Variants in ZNF780B observed in about 807,000 individuals in gnomAD.
ZNF780B encodes the protein zinc finger protein 780B, also known as zinc finger protein 779.
ZNF780B carries 52 observed loss-of-function variants against 74.1 expected under a neutral mutation model. The ratio of observed to expected loss-of-function variants is 0.70; its 90% CI spans 0.56 to 0.88. ZNF780B has a LOEUF of 0.88. ZNF780B is among the 40% of genes least tolerant of loss of function. ZNF780B has a pLI of 0.00. For missense variants in ZNF780B, 953 were observed against 1,007.6 expected, an observed-to-expected ratio of 0.95 and a Z score of 0.73; for synonymous variants, 315 against 324.3, an observed-to-expected ratio of 0.97 and a Z score of 0.31.
At chr19:40,053,762 C>A (rs1433276959) in intron 1 of ZNF780B, among the ~76,000 whole-genome samples, 1 of 152,168 alleles carries the variant, frequency 6.6e-6, no homozygotes, top group African/African-American at 2.4e-5. Context: ...TCATTCGCAA[C>A]AACATGGATG....
At chr19:40,048,534 C>T in intron 3 of ZNF780B, 136 bp downstream of exon 3, 3 of 1,442,972 alleles carry the variant, frequency 2.1e-6, no homozygotes, top group Non-Finnish European at 2.9e-6. Context: ...TTCAACCCAA[C>T]AAATCTCAAT....
chr19:40,039,316 C>CT (rs1340098522), intron 4 of ZNF780B, among the ~76,000 whole-genome samples: 1 of 152,110 alleles, frequency 6.6e-6, no homozygotes, highest in African/African-American at 2.4e-5. Flanking sequence ...TTACTGTAGC[C>CT]TTGTAGTATA....
chr19:40,037,042 GT>G (rs1972370218), intron 4 of ZNF780B, among the ~76,000 whole-genome samples: 1 of 151,824 alleles, frequency 6.6e-6, no homozygotes, highest in Non-Finnish European at 1.5e-5. Context: ...AGCCTCCAGA[GT>G]AGCTGGGATT....
intron 3 of ZNF780B, 104 bp downstream of exon 3, chr19:40,048,566 G>C: frequency 6.4e-7 from 1 of 1,566,606 alleles, no homozygotes; most frequent in Non-Finnish European, 8.8e-7. Flanking sequence ...GGAATAAGAA[G>C]AAGGAATCCA....
intron 1 of ZNF780B, among the ~76,000 whole-genome samples, chr19:40,051,678 A>G (rs1973240827): frequency 6.6e-6 from 1 of 152,242 alleles, no homozygotes; most frequent in Non-Finnish European, 1.5e-5. Context: ...TGTGACTATA[A>G]CAAATAACAT....
At chr19:40,038,178 C>G (rs1265987501) in intron 4 of ZNF780B, among the ~76,000 whole-genome samples, 88 of 151,610 alleles carry the variant, frequency 5.8e-4, no homozygotes, top group Admixed American at 5.8e-3. Context: ...GGTTTTTTGT[C>G]CTTGTGATAG....
At chr19:40,047,800 T>C (rs962414812) in intron 3 of ZNF780B, among the ~76,000 whole-genome samples, 1 of 152,154 alleles carries the variant, frequency 6.6e-6, no homozygotes, top group African/African-American at 2.4e-5. Context: ...TCTCTGTCCT[T>C]CAGTTTTCCC....
In ZNF780B at chr19:40,034,056, A is replaced by G. The variant is rs1462444272; in HGVS notation, c.*301T>C. On this transcript the variant is annotated 3_prime_UTR_variant, in exon 5 of 5. Coordinates refer to ENST00000434248, the MANE Select transcript of ZNF780B (RefSeq NM_001005851.3). ...TACGGATTCTCAGATGTACAGTAAGATCATAATTACTGCTAAAGGCCTTTT... is the reference window on the plus strand; with the variant it reads ...TACGGATTCTCAGATGTACAGTAAGGTCATAATTACTGCTAAAGGCCTTTT... 2.3e-6 allele frequency: 1 copy of G among 427,788 alleles called. No individual in the cohort carries two copies. The highest frequency in any genetic ancestry group is 4.4e-6 in the Non-Finnish European group (1 of 228,134). The allele number at this position is 427,788 out of a possible 1,614,324, so 26.5% of individuals were successfully genotyped here. A position where few individuals can be genotyped will look rare whatever the true frequency, so the allele number is the denominator to read the frequency against.
intron 3 of ZNF780B, 124 bp downstream of exon 3, chr19:40,048,546 C>A: frequency 6.7e-7 from 1 of 1,485,172 alleles, no homozygotes; most frequent in South Asian, 1.2e-5. Context: ...AATCTCAATC[C>A]ATTCCTTCGG....
chr19:40,035,850 C>G lies in ZNF780B; in HGVS notation c.1009G>C (p.Glu337Gln). 1 of 1,613,908 alleles carries G rather than the reference C, an allele frequency of 6.2e-7. No individual in the cohort carries two copies. Among genetic ancestry groups the G allele is most frequent in the Admixed American group, 1.7e-5 (1 of 59,978 alleles). Reference protein sequence around the residue: ...HTGEKPFECKECRKAFTLLTK... With the variant: ...HTGEKPFECKQCRKAFTLLTK... ...AGAAGAGTAAAGGCCTTTCTGCATT[C>G]TTTACATTCAAAGGGTTTCTCGCCA... The change falls in exon 5 of 5, where the codon GAA becomes CAA. Residue 337 changes from glutamate to glutamine, a missense_variant. Transcript: ENST00000434248.
intron 1 of ZNF780B, among the ~76,000 whole-genome samples, chr19:40,052,115 A>G (rs761269430): frequency 4.6e-5 from 7 of 152,226 alleles, no homozygotes; most frequent in Non-Finnish European, 7.3e-5. Flanking sequence ...CTTGATTTAT[A>G]TAAGATCATT....
At chr19:40,041,100 G>C (rs890031708) in intron 4 of ZNF780B, among the ~76,000 whole-genome samples, 6 of 152,186 alleles carry the variant, frequency 3.9e-5, no homozygotes, top group Admixed American at 1.3e-4. Context: ...ATTCTGGTAT[G>C]TTGTGTCTTT....
rs1452138498 is a variant in ZNF780B, at chr19:40,032,974, A to T, written c.*1383T>A. 2 of 150,728 alleles carry T rather than the reference A, an allele frequency of 1.3e-5. No individual in the cohort carries two copies. The highest frequency in any genetic ancestry group is 1.3e-4 in the Admixed American group (2 of 15,256). The allele number at this position is 150,728 out of a possible 1,614,324, so 9.3% of individuals were successfully genotyped here. A position where few individuals can be genotyped will look rare whatever the true frequency, so the allele number is the denominator to read the frequency against. ...ATTCTCAATGGTACAACAAATATAC[A>T]AAAAATAAATGTGGCAAATTGTTAA... is the stretch of plus-strand genomic sequence containing the variant. On this transcript the variant is annotated 3_prime_UTR_variant, in exon 5 of 5. Coordinates refer to ENST00000434248, the MANE Select transcript of ZNF780B (RefSeq NM_001005851.3).
intron 3 of ZNF780B, among the ~76,000 whole-genome samples, chr19:40,048,336 A>C (rs1973035945): frequency 6.6e-6 from 1 of 152,220 alleles, no homozygotes; most frequent in Admixed American, 6.5e-5. Flanking sequence ...AAGAAAATCT[A>C]CAGTAATTCT....
intron 4 of ZNF780B, among the ~76,000 whole-genome samples, chr19:40,040,603 A>G (rs1972590156): frequency 6.6e-6 from 1 of 152,142 alleles, no homozygotes; most frequent in African/African-American, 2.4e-5. Flanking sequence ...TTATTGGTCT[A>G]TTCAGAGATT....
At chr19:40,047,847 A>C (rs190718671) in intron 3 of ZNF780B, among the ~76,000 whole-genome samples, 14 of 152,324 alleles carry the variant, frequency 9.2e-5, no homozygotes, top group African/African-American at 3.4e-4. Context: ...CCTGTTTTAT[A>C]GGATTGATAC....
At position 40,034,764 on chromosome 19, in the gene ZNF780B, A is replaced by C; in HGVS notation, c.2095T>G (p.Cys699Gly). 1 of 1,613,962 alleles carries C rather than the reference A, an allele frequency of 6.2e-7. No individual in the cohort carries two copies. ...KTHSSAKPFVCKECRKTFRYH... is the reference protein window; with the variant it reads ...KTHSSAKPFVGKECRKTFRYH... The stretch of plus-strand genomic sequence containing the variant: ...CTAAAGGTCTTCCTACACTCCTTAC[A>C]TACAAAGGGTTTCGCACTGGAATGA... Residue 699 changes from cysteine (C) to glycine (G), a missense_variant, in exon 5 of 5, where the codon TGT becomes GGT. By Grantham distance (159) the Cys-to-Gly change is radical. Transcript: ENST00000434248.
intron 1 of ZNF780B, among the ~76,000 whole-genome samples, chr19:40,055,014 A>T (rs1296514890): frequency 6.6e-6 from 1 of 152,242 alleles, no homozygotes; most frequent in African/African-American, 2.4e-5. Context: ...AAAGCCTCAC[A>T]GACGAATGGA....
At chr19:40,043,184 C>G (rs921132612) in intron 4 of ZNF780B, among the ~76,000 whole-genome samples, 4 of 152,194 alleles carry the variant, frequency 2.6e-5, no homozygotes, top group African/African-American at 9.6e-5. Context: ...CCCTGTTTGC[C>G]TGGGTATCAG....
Sources: allele counts gnomAD v4.1 joint callset (sites outside exome capture counted in the v4.1 genomes callset), GRCh38; gene constraint gnomAD v4.1.1; transcripts MANE v1.5; gene names NCBI Gene and HGNC (gene_info 2026-07-23, HGNC 2026-07-21).